The following TJP2 variants were observed in gnomAD, a reference collection of about 807,000 sequenced individuals.
The protein encoded by TJP2 is Friedreich ataxia region gene X104 (tight junction protein ZO-2).
Under a neutral mutation model 133.1 loss-of-function variants are expected in TJP2, and 91 were observed. The ratio of observed to expected loss-of-function variants is 0.68; its 90% confidence interval spans 0.58 to 0.81. The LOEUF (loss-of-function observed/expected upper bound fraction) is 0.81, where lower values mean the gene tolerates loss of function less well. TJP2 is among the 40% of genes least tolerant of loss of function. The pLI is 0.00. For synonymous variants in TJP2, 592 were observed against 583.4 expected (o/e 1.01, Z -0.21); for missense variants, 1,541 against 1,565.6 (o/e 0.98, Z 0.26).
intron 17 of TJP2, 81 bp downstream of exon 17, chr9:69,240,228 C>T: frequency 7.6e-7 from 1 of 1,321,846 alleles, no homozygotes; most frequent in Non-Finnish European, 1.1e-6. Context: ...ATTAATTAAT[C>T]TGAATGGAGA....
rs1310186698 is a variant in TJP2 at position 69,220,979 on chromosome 9, G to C, written c.435G>C (p.Glu145Asp). 6.2e-7 allele frequency: 1 copy of C among 1,612,968 alleles called. No individual in the cohort carries two copies. Among genetic ancestry groups the C allele is most frequent in the Admixed American group, 1.7e-5 (1 of 59,986 alleles). Residue 145 changes from glutamate (E) to aspartate (D), a missense_variant, in exon 5 of 23, where the codon GAG (glutamate) becomes GAC (aspartate). Physicochemically the swap from Glu to Asp is conservative, Grantham distance 45. Coordinates refer to ENST00000377245, the MANE Select transcript of TJP2 (RefSeq NM_004817.4). The stretch of plus-strand genomic sequence containing the variant: ...ACCGGGCTTTTGAGGTGATGGACGA[G>C]TTTGATGGCAGAAGTTTCCGGAGTG... ...QDDRAFEVMD[E>D]FDGRSFRSGY...
intron 1 of TJP2, among the ~76,000 whole-genome samples, chr9:69,188,967 G>A: frequency 6.6e-6 from 1 of 152,124 alleles, no homozygotes; most frequent in East Asian, 1.9e-4. Context: ...CTTGCCTTGA[G>A]GATTGGAATT....
chr9:69,248,453 C>G (rs760351456), intron 19 of TJP2: 31 of 1,381,958 alleles, frequency 2.2e-5, no homozygotes, highest in Non-Finnish European at 2.4e-5. Context: ...ACTCCGCACA[C>G]CCATGCCCTC....
chr9:69,177,511 A>G (rs1470166904), intron 1 of TJP2, among the ~76,000 whole-genome samples: 1 of 152,168 alleles, frequency 6.6e-6, no homozygotes, highest in Admixed American at 6.5e-5. Flanking sequence ...ATAGAAAGTG[A>G]ATTTGGGAGG....
At chr9:69,226,314 A>G in intron 7 of TJP2, 139 bp downstream of exon 7, 1 of 984,246 alleles carries the variant, frequency 1.0e-6, no homozygotes. Context: ...TCCAAAGGTC[A>G]CTGGTTGGTT....
intron 14 of TJP2, 150 bp downstream of exon 14, chr9:69,237,286 G>A: frequency 2.0e-6 from 2 of 1,000,566 alleles, no homozygotes; most frequent in Non-Finnish European, 3.1e-6. Context: ...CTAACAAGGA[G>A]CATGATTTAT....
chr9:69,193,121 G>T (rs1826317240), intron 1 of TJP2, among the ~76,000 whole-genome samples: 1 of 151,964 alleles, frequency 6.6e-6, no homozygotes, highest in Non-Finnish European at 1.5e-5. Flanking sequence ...TCACCATGTT[G>T]CCCAGGCTGG....
chr9:69,237,110 C>T lies in TJP2; in HGVS notation c.2153C>T (p.Ala718Val), dbSNP rs758553302. ...GTGTCTGTCAGCACCAAGTTCCCAG[C>T]TTATGAGAGGGTTTTGCTGCGAGAA... ...AVVSVSTKFP[A>V]YERVLLREAG... The change falls in exon 14 of 23, where the codon GCT (alanine) becomes GTT (valine). Residue 718 changes from alanine (A) to valine (V), a missense_variant. Ala to Val is a moderately conservative substitution (Grantham distance 64, BLOSUM62 0). Coordinates refer to ENST00000377245, the MANE Select transcript of TJP2 (RefSeq NM_004817.4). 1 of 1,614,062 alleles carries T rather than the reference C, an allele frequency of 6.2e-7. No individual in the cohort carries two copies. Among genetic ancestry groups the T allele is most frequent in the South Asian group, 1.1e-5 (1 of 91,078 alleles).
intron 1 of TJP2, among the ~76,000 whole-genome samples, chr9:69,206,785 G>C (rs1827453529): frequency 6.8e-6 from 1 of 146,892 alleles, no homozygotes; most frequent in African/African-American, 2.7e-5. Context: ...AACCATGTTA[G>C]TCAGTATGGT....
At chr9:69,234,637 C>A in intron 12 of TJP2, 90 bp downstream of exon 12, 1 of 994,418 alleles carries the variant, frequency 1.0e-6, no homozygotes, top group African/African-American at 1.6e-5. Flanking sequence ...ATAGGCAAAT[C>A]TGGGTATTAA....
intron 2 of TJP2, among the ~76,000 whole-genome samples, chr9:69,166,165 T>G (rs1312701364): frequency 6.6e-6 from 1 of 152,098 alleles, no homozygotes; most frequent in East Asian, 1.9e-4. Context: ...CAGGCTGGAG[T>G]GCAGTGGTAC....
intron 2 of TJP2, among the ~76,000 whole-genome samples, chr9:69,166,042 A>G (rs1214102169): frequency 6.6e-6 from 1 of 152,164 alleles, no homozygotes; most frequent in East Asian, 1.9e-4. Flanking sequence ...ACTCTCCCCA[A>G]ACACCAGTCT....
At chr9:69,220,541 T>C (rs1433029512) in intron 4 of TJP2, among the ~76,000 whole-genome samples, 1 of 152,246 alleles carries the variant, frequency 6.6e-6, no homozygotes, top group East Asian at 1.9e-4. Context: ...TTTGCCCCCT[T>C]GGCAGCTATG....
upstream of TJP2, chr9:69,174,159 G>C (rs1824867100): frequency 1.6e-6 from 2 of 1,274,386 alleles, no homozygotes; most frequent in East Asian, 6.5e-5. Context: ...GGGCCGGGCG[G>C]CCAGCGCGGA....
intron 22 of TJP2, chr9:69,253,348 T>A (rs754843701): frequency 1.3e-4 from 24 of 177,904 alleles, no homozygotes; most frequent in Non-Finnish European, 2.8e-4. Flanking sequence ...TCTTGGTAAA[T>A]GCCACACAAA....
chr9:69,164,788 C>T (rs537369393), intron 2 of TJP2, among the ~76,000 whole-genome samples: 22 of 152,212 alleles, frequency 1.4e-4, no homozygotes, highest in African/African-American at 4.8e-4. Flanking sequence ...GCCGGAAAGC[C>T]GGGAAGTGAA....
Position 69,174,301 on chromosome 9 carries a change from G to GAGGAGT in TJP2, c.-66_-61dup, listed in dbSNP as rs1046763078. The GAGGAGT allele has an allele frequency of 8.4e-6, 13 of 1,549,958 alleles. No homozygotes were observed. The highest frequency in any genetic ancestry group is 1.7e-4 in the Middle Eastern group (1 of 5,740). ...CAGAGCACTGTCCGGTGGTGCCCAG[G>GAGGAGT]AGGAGTAGGAGCAGGAGCAGAAGCA... is the stretch of plus-strand genomic sequence containing the variant. On this transcript the variant is annotated 5_prime_UTR_variant, in exon 1 of 23. Coordinates refer to ENST00000377245, the MANE Select transcript of TJP2 (RefSeq NM_004817.4).
At chr9:69,132,209 T>G (rs1325411550) in intron 1 of TJP2, among the ~76,000 whole-genome samples, 1 of 152,202 alleles carries the variant, frequency 6.6e-6, no homozygotes, top group African/African-American at 2.4e-5. Flanking sequence ...AATTTCAGAC[T>G]CACACAAGGA....
upstream of TJP2, among the ~76,000 whole-genome samples, chr9:69,171,354 C>G (rs1005788471): frequency 2.0e-5 from 3 of 152,128 alleles, no homozygotes; most frequent in Non-Finnish European, 4.4e-5. Flanking sequence ...GCATTTTTGG[C>G]CGGTCTTGTC....
Sources: allele counts gnomAD v4.1 joint callset (sites outside exome capture counted in the v4.1 genomes callset), GRCh38; gene constraint gnomAD v4.1.1; transcripts MANE v1.5; gene names NCBI Gene and HGNC (gene_info 2026-07-23, HGNC 2026-07-21).